The following LHFPL3 variants were observed in gnomAD, a reference collection of about 807,000 sequenced individuals.
LHFPL3 encodes LHFPL tetraspan subfamily member 3 protein.
LHFPL3 carries 5 observed loss-of-function variants against 19.3 expected under a neutral mutation model. That is an observed-to-expected ratio of 0.26 (90% CI 0.14 to 0.54). LHFPL3 has a LOEUF of 0.54. LHFPL3 is among the 20% of genes least tolerant of loss of function. LHFPL3 has a pLI of 0.94. For missense variants in LHFPL3, 249 were observed against 307.4 expected (o/e 0.81, Z 1.42); for synonymous variants, 133 against 126.2 (o/e 1.05, Z -0.36).
At chr7:104,736,652 G>A (rs1260336375) in intron 1 of LHFPL3, 23 bp from the exon 2 acceptor site, 1 of 1,513,414 alleles carries the variant, frequency 6.6e-7, no homozygotes, top group Admixed American at 1.9e-5. Flanking sequence ...TGTTTCTTTT[G>A]TTTTTCTCTC....
chr7:104,475,882 A>C (rs112890164), intron 1 of LHFPL3, among the ~76,000 whole-genome samples: 2,458 of 152,276 alleles, frequency 0.016, 64 homozygotes, highest in African/African-American at 0.054. Context: ...AATAACATAA[A>C]ATTTATCAAA....
chr7:104,902,364 G>A (rs913847000), intron 2 of LHFPL3, among the ~76,000 whole-genome samples: 2 of 151,810 alleles, frequency 1.3e-5, no homozygotes, highest in Non-Finnish European at 2.9e-5. Flanking sequence ...AGAAGCCTGA[G>A]TCACAGAGCA....
At chr7:104,551,360 G>A (rs550689937) in intron 1 of LHFPL3, among the ~76,000 whole-genome samples, 153 of 152,194 alleles carry the variant, frequency 1.0e-3, no homozygotes, top group Admixed American at 3.3e-3. Context: ...ATAGCTCTCC[G>A]TGGGTTCTCT....
intron 2 of LHFPL3, among the ~76,000 whole-genome samples, chr7:104,834,519 G>T (rs1283883750): frequency 6.6e-6 from 1 of 151,886 alleles, no homozygotes; most frequent in Non-Finnish European, 1.5e-5. Context: ...ACCCATTTAT[G>T]TCAGTGGGGT....
chr7:104,437,841 A>AT (rs1792140903), intron 1 of LHFPL3, among the ~76,000 whole-genome samples: 1 of 152,072 alleles, frequency 6.6e-6, no homozygotes, highest in African/African-American at 2.4e-5. Flanking sequence ...CCATTCAGGG[A>AT]TTTTTTTAAA....
At chr7:104,428,444 A>G (rs751293279) in intron 1 of LHFPL3, among the ~76,000 whole-genome samples, 1 of 152,180 alleles carries the variant, frequency 6.6e-6, no homozygotes, top group Non-Finnish European at 1.5e-5. Flanking sequence ...TTGTCTTTTC[A>G]TAGTTGATAA....
chr7:104,673,539 G>C (rs17490509), intron 1 of LHFPL3, among the ~76,000 whole-genome samples: 6,089 of 152,244 alleles, frequency 0.04, 147 homozygotes, highest in African/African-American at 0.055. Flanking sequence ...ACCTCAAATG[G>C]AGCCAAATGT....
intron 2 of LHFPL3, among the ~76,000 whole-genome samples, chr7:104,744,493 C>T (rs1794003371): frequency 6.6e-6 from 1 of 152,150 alleles, no homozygotes; most frequent in East Asian, 1.9e-4. Context: ...CTGCATATAT[C>T]CTGTCACATT....
intron 1 of LHFPL3, among the ~76,000 whole-genome samples, chr7:104,505,171 T>G (rs41037): frequency 6.6e-6 from 1 of 152,004 alleles, no homozygotes; most frequent in East Asian, 1.9e-4. Flanking sequence ...CTAGATAAGC[T>G]TTAAAGGAAA....
At chr7:104,395,004 T>G (rs572220041) in intron 1 of LHFPL3, among the ~76,000 whole-genome samples, 47 of 152,062 alleles carry the variant, frequency 3.1e-4, no homozygotes, top group Non-Finnish European at 5.1e-4. Context: ...AGGCTGCTAG[T>G]CGTCATTTTC....
chr7:104,367,359 A>G (rs1231817568), intron 1 of LHFPL3, among the ~76,000 whole-genome samples: 1 of 152,208 alleles, frequency 6.6e-6, no homozygotes, highest in Non-Finnish European at 1.5e-5. Context: ...TGGGAATCAG[A>G]TGTTCTATGG....
At chr7:104,698,168 A>T (rs576890683) in intron 1 of LHFPL3, among the ~76,000 whole-genome samples, 7 of 152,280 alleles carry the variant, frequency 4.6e-5, no homozygotes, top group African/African-American at 1.7e-4. Context: ...TACATTTTGC[A>T]TCCGAATTTT....
intron 2 of LHFPL3, among the ~76,000 whole-genome samples, chr7:104,848,236 C>A (rs1298808387): frequency 5.9e-5 from 9 of 152,130 alleles, no homozygotes; most frequent in Non-Finnish European, 1.2e-4. Context: ...TGAAAGATGA[C>A]AATCCACCAT....
chr7:104,889,541 G>A (rs1792208194), intron 2 of LHFPL3, among the ~76,000 whole-genome samples: 1 of 152,204 alleles, frequency 6.6e-6, no homozygotes, highest in Non-Finnish European at 1.5e-5. Flanking sequence ...TCAAGAGGCT[G>A]AAGTGGGAGA....
At chr7:104,657,829 A>G (rs1369961589) in intron 1 of LHFPL3, among the ~76,000 whole-genome samples, 1 of 152,184 alleles carries the variant, frequency 6.6e-6, no homozygotes, top group Non-Finnish European at 1.5e-5. Context: ...AACTTCCACA[A>G]TTGAATTTGA....
intron 2 of LHFPL3, among the ~76,000 whole-genome samples, chr7:104,845,046 T>C (rs1314602229): frequency 6.6e-6 from 1 of 152,220 alleles, no homozygotes; most frequent in Non-Finnish European, 1.5e-5. Context: ...GGCCTCTAAG[T>C]ATTTCCCATG....
In LHFPL3 at chr7:104,906,635, G is replaced by A. The variant is rs1792621484; in HGVS notation, c.*420G>A. 6.1e-6 allele frequency: 1 copy of A among 162,620 alleles called. No homozygotes were observed. The highest frequency in any genetic ancestry group is 2.4e-5 in the African/African-American group (1 of 41,866). 10.1% of individuals were successfully genotyped at this position (162,620 alleles called of 1,614,324 possible). A position where few individuals can be genotyped will look rare whatever the true frequency, so the allele number is the denominator to read the frequency against. On this transcript the variant is annotated 3_prime_UTR_variant, in exon 3 of 3. Coordinates refer to ENST00000424859, the MANE Select transcript of LHFPL3 (RefSeq NM_199000.3). ...ACCTTTCAACAGAATTTTTAAAAAG[G>A]CAGTTAGTTCTAAATTATTCCTATC...
chr7:104,794,448 G>A (rs1790079251), intron 2 of LHFPL3, among the ~76,000 whole-genome samples: 1 of 152,184 alleles, frequency 6.6e-6, no homozygotes, highest in South Asian at 2.1e-4. Context: ...TGGAACCACA[G>A]GGCTGATGTT....
intron 1 of LHFPL3, among the ~76,000 whole-genome samples, chr7:104,373,172 C>G (rs1790646434): frequency 6.6e-6 from 1 of 152,164 alleles, no homozygotes; most frequent in African/African-American, 2.4e-5. Flanking sequence ...TAAGACCTTT[C>G]TCCCCTGTGA....
Sources: gnomAD v4.1 joint callset for allele counts (sites outside exome capture counted in the v4.1 genomes callset) on GRCh38, gnomAD v4.1.1 for gene constraint, MANE v1.5 for transcripts, NCBI Gene and HGNC (gene_info 2026-07-23, HGNC 2026-07-21) for gene names.